ZC3H12B: variants seen among roughly 807,000 people sequenced by gnomAD.
ZC3H12B encodes the protein zinc finger CCCH-type containing 12B.
Under a neutral mutation model 43.9 loss-of-function variants are expected in ZC3H12B, and 7 were observed. That is an observed-to-expected ratio of 0.16 (90% CI 0.09 to 0.30). ZC3H12B has a LOEUF of 0.30. ZC3H12B is among the 10% of genes least tolerant of loss of function. The pLI, the probability that ZC3H12B is intolerant of heterozygous loss-of-function variation, is 1.00. For missense variants in ZC3H12B, 475 were observed against 670.2 expected (o/e 0.71, Z 3.22); for synonymous variants, 222 against 241.7 (o/e 0.92, Z 0.76).
At chrX:65,379,277 C>A (rs944118060) in intron 2 of ZC3H12B, among the ~76,000 whole-genome samples, 5 of 111,846 alleles carry the variant, frequency 4.5e-5, no homozygotes, top group Non-Finnish European at 9.4e-5. Flanking sequence ...GGCAGACTGC[C>A]TCCTCAAGTG....
chrX:65,169,010 G>A, the ZC3H12B span, among the ~76,000 whole-genome samples: 2 of 111,143 alleles, frequency 1.8e-5, no homozygotes, highest in African/African-American at 6.5e-5. Flanking sequence ...GATTTTTAAA[G>A]GGTTTTTTGT....
chrX:65,457,176 G>A (rs1211296646), intron 3 of ZC3H12B, among the ~76,000 whole-genome samples: 43 of 78,945 alleles, frequency 5.4e-4, no homozygotes, highest in African/African-American at 1.2e-3. Flanking sequence ...CGGCTGCCCC[G>A]TCTGAGAAGT....
chrX:65,225,516 C>A, the ZC3H12B span, among the ~76,000 whole-genome samples: 1 of 112,604 alleles, frequency 8.9e-6, no homozygotes, highest in African/African-American at 3.2e-5. Context: ...TGGAGCAAAG[C>A]TGGACGGAGA....
At chrX:65,433,223 C>T (rs924152987) in intron 3 of ZC3H12B, among the ~76,000 whole-genome samples, 6 of 112,352 alleles carry the variant, frequency 5.3e-5, no homozygotes, top group Non-Finnish European at 1.1e-4. Context: ...CTCCTGGATT[C>T]GTCTGTCTTC....
the ZC3H12B span, among the ~76,000 whole-genome samples, chrX:65,103,877 C>T: frequency 9.0e-6 from 1 of 111,675 alleles, no homozygotes; most frequent in Non-Finnish European, 1.9e-5. Context: ...CTATTATCAT[C>T]AAGCTACCAT....
At chrX:65,066,840 G>T in the ZC3H12B span, among the ~76,000 whole-genome samples, 5 of 111,953 alleles carry the variant, frequency 4.5e-5, 1 homozygote, top group East Asian at 8.5e-4. Flanking sequence ...GACTTGCCCC[G>T]TGTGTAGGAA....
chrX:65,365,065 G>A (rs2066155770), upstream of ZC3H12B, among the ~76,000 whole-genome samples: 1 of 111,204 alleles, frequency 9.0e-6, no homozygotes, highest in African/African-American at 3.3e-5. Context: ...ATAACGGACT[G>A]TCCTTTGTTA....
At chrX:65,250,477 G>A in the ZC3H12B span, among the ~76,000 whole-genome samples, 1 of 111,643 alleles carries the variant, frequency 9.0e-6, no homozygotes, top group African/African-American at 3.3e-5. Context: ...GGGTCAAATG[G>A]CATTTCTATT....
At chrX:65,481,931 T>C (rs1400851043) in intron 3 of ZC3H12B, among the ~76,000 whole-genome samples, 2 of 111,803 alleles carry the variant, frequency 1.8e-5, no homozygotes, top group African/African-American at 6.5e-5. Context: ...GGGAGATTTT[T>C]GGAACTAACT....
the ZC3H12B span, among the ~76,000 whole-genome samples, chrX:65,069,258 G>C: frequency 9.6e-6 from 1 of 104,199 alleles, no homozygotes; most frequent in African/African-American, 3.5e-5. Flanking sequence ...GCCAATAACT[G>C]TTAGATTTAC....
the ZC3H12B span, among the ~76,000 whole-genome samples, chrX:65,261,849 GA>G: frequency 9.0e-6 from 1 of 110,739 alleles, no homozygotes; most frequent in African/African-American, 3.3e-5. Context: ...AAGGTGGTTT[GA>G]AAAAAACTGA....
chrX:65,267,199 C>CT, the ZC3H12B span, among the ~76,000 whole-genome samples: 19,636 of 90,290 alleles, frequency 0.22, 5,463 homozygotes, highest in African/African-American at 0.73. Flanking sequence ...TTCTTTCTTT[C>CT]TTTTTTTTTT....
intron 3 of ZC3H12B, among the ~76,000 whole-genome samples, chrX:65,426,280 C>G (rs2067080623): frequency 9.4e-6 from 1 of 106,640 alleles, no homozygotes; most frequent in Non-Finnish European, 1.9e-5. Flanking sequence ...TGGTTGTTTG[C>G]ATTTCTGTGG....
chrX:65,489,004 A>C, exon 1 of ZC3H12B: 1 of 1,211,532 alleles, frequency 8.3e-7, no homozygotes, highest in Non-Finnish European at 1.1e-6. Context: ...GGTCAGTTGA[A>C]GAAAAAGGAG....
chrX:65,123,375 T>C, the ZC3H12B span, among the ~76,000 whole-genome samples: 2 of 111,326 alleles, frequency 1.8e-5, no homozygotes, highest in Non-Finnish European at 3.8e-5. Context: ...AAGGATATTG[T>C]TCTAAAATTC....
the ZC3H12B span, among the ~76,000 whole-genome samples, chrX:65,213,752 C>T: frequency 1.8e-5 from 2 of 110,231 alleles, no homozygotes; most frequent in Admixed American, 9.9e-5. Context: ...TGTAGCTCTT[C>T]ATCTTTATTA....
chrX:65,150,435 G>C, the ZC3H12B span, among the ~76,000 whole-genome samples: 1 of 109,055 alleles, frequency 9.2e-6, no homozygotes, highest in Non-Finnish European at 1.9e-5. Flanking sequence ...TTACATATTC[G>C]TGTGCCATGG....
At chrX:65,107,090 G>A in the ZC3H12B span, among the ~76,000 whole-genome samples, 5 of 111,221 alleles carry the variant, frequency 4.5e-5, no homozygotes, top group Non-Finnish European at 9.4e-5. Flanking sequence ...TAAAAAAGAA[G>A]AGGTGAATGA....
At chrX:65,188,262 A>G in the ZC3H12B span, among the ~76,000 whole-genome samples, 2 of 111,428 alleles carry the variant, frequency 1.8e-5, no homozygotes, top group East Asian at 2.8e-4. Context: ...TAGTGTTGCA[A>G]TAAACACAGG....
Sources: allele counts gnomAD v4.1 joint callset (sites outside exome capture counted in the v4.1 genomes callset), GRCh38; gene constraint gnomAD v4.1.1; transcripts MANE v1.5; gene names NCBI Gene and HGNC (gene_info 2026-07-23, HGNC 2026-07-21).